INTS6: variants seen among roughly 807,000 people sequenced by gnomAD.
INTS6 encodes DEAD box protein.
Under a neutral mutation model 104.9 loss-of-function variants are expected in INTS6, and 16 were observed. The observed-to-expected ratio is 0.15, with a 90% CI of 0.10 to 0.23. INTS6 has a LOEUF of 0.23. INTS6 is among the 10% of genes least tolerant of loss of function. The pLI is 1.00. For missense variants in INTS6, 584 were observed against 1,062.8 expected, an observed-to-expected ratio of 0.55 and a Z score of 6.26; for synonymous variants, 324 against 358.7, an observed-to-expected ratio of 0.90 and a Z score of 1.09.
chr13:51,375,734 G>GGTGTGTGTGTGTGTGTGTGT (rs71684515), intron 13 of INTS6, among the ~76,000 whole-genome samples: 15 of 147,682 alleles, frequency 1.0e-4, no homozygotes, highest in South Asian at 4.3e-4. Context: ...TTGATAAGTG[G>GGTGTGTGTGTGTGTGTGTGT]GTGTGTGTGT....
At chr13:51,339,212 G>A in the INTS6 span, 1 of 152,210 alleles carries the variant, frequency 6.6e-6, no homozygotes, top group Admixed American at 6.5e-5. Context: ...CGAACTGATC[G>A]TGCCATATCT....
downstream of INTS6, among the ~76,000 whole-genome samples, chr13:51,358,829 T>G (rs888632729): frequency 6.6e-6 from 1 of 152,008 alleles, no homozygotes; most frequent in African/African-American, 2.4e-5. Context: ...TATAGAATGT[T>G]GTATTGTAGG....
At chr13:51,409,776 A>C (rs1038201160) in intron 4 of INTS6, among the ~76,000 whole-genome samples, 1 of 152,182 alleles carries the variant, frequency 6.6e-6, no homozygotes, top group Non-Finnish European at 1.5e-5. Flanking sequence ...ACATTGAAGC[A>C]AGAAAAAGAA....
chr13:51,450,108 T>C, intron 3 of INTS6: 4 of 985,414 alleles, frequency 4.1e-6, no homozygotes, highest in Non-Finnish European at 4.8e-6. Context: ...AACTAGGGAC[T>C]GTGGGACTTG....
At chr13:51,449,428 A>C (rs1952989681) in intron 3 of INTS6, 1 of 972,886 alleles carries the variant, frequency 1.0e-6, no homozygotes, top group Admixed American at 6.2e-5. Context: ...ATACAGGTTT[A>C]AATTACAAAT....
chr13:51,407,950 G>C (rs1439180207), intron 4 of INTS6, among the ~76,000 whole-genome samples: 4 of 150,194 alleles, frequency 2.7e-5, no homozygotes, highest in African/African-American at 9.8e-5. Context: ...CCAAGAGGCA[G>C]AGGTTGCAGT....
intron 12 of INTS6, among the ~76,000 whole-genome samples, chr13:51,377,851 G>C (rs556357882): frequency 6.6e-6 from 1 of 152,126 alleles, no homozygotes; most frequent in Non-Finnish European, 1.5e-5. Context: ...CTACAAAAAG[G>C]CTGCTGGGAT....
At chr13:51,355,750 A>G (rs1955471520) in intron 3 of INTS6, among the ~76,000 whole-genome samples, 1 of 152,218 alleles carries the variant, frequency 6.6e-6, no homozygotes, top group African/African-American at 2.4e-5. Context: ...GGAAATTTAT[A>G]TCAAATATAA....
chr13:51,357,940 T>G (rs1955505652), downstream of INTS6, among the ~76,000 whole-genome samples: 1 of 152,152 alleles, frequency 6.6e-6, no homozygotes, highest in Admixed American at 6.6e-5. Context: ...TCTGTTACTA[T>G]GACTTAAATG....
chr13:51,371,314 G>C (rs1352330998), intron 15 of INTS6, among the ~76,000 whole-genome samples: 4 of 152,136 alleles, frequency 2.6e-5, no homozygotes, highest in African/African-American at 9.7e-5. Context: ...GACAAATTCA[G>C]AGATGGAGGA....
chr13:51,414,238 G>C (rs1199709041), intron 4 of INTS6, among the ~76,000 whole-genome samples: 9 of 152,120 alleles, frequency 5.9e-5, no homozygotes, highest in African/African-American at 1.9e-4. Flanking sequence ...CAATAGCTTA[G>C]AGCAGAACCA....
intron 15 of INTS6, 78 bp downstream of exon 15, chr13:51,374,130 T>G (rs1414864787): frequency 1.7e-6 from 2 of 1,177,672 alleles, no homozygotes; most frequent in Non-Finnish European, 2.5e-6. Context: ...TTTCCTTCTA[T>G]AATCTATAAC....
the INTS6 span, chr13:51,347,025 G>A: frequency 1.3e-6 from 2 of 1,574,134 alleles, no homozygotes; most frequent in Admixed American, 3.7e-5. Context: ...CTGCTTGCAG[G>A]TGGGGGCCCC....
intron 4 of INTS6, chr13:51,423,047 A>C: frequency 7.8e-7 from 1 of 1,280,670 alleles, no homozygotes; most frequent in Non-Finnish European, 1.0e-6. Flanking sequence ...CAAAGATAAT[A>C]CGTTTTCTAG....
chr13:51,424,368 T>G (rs1040893825), intron 4 of INTS6, among the ~76,000 whole-genome samples: 1 of 151,618 alleles, frequency 6.6e-6, no homozygotes, highest in African/African-American at 2.4e-5. Flanking sequence ...TCTTACTACA[T>G]GATCTTGAAA....
chr13:51,448,623 C>A (rs1952971665), intron 3 of INTS6: 1 of 152,066 alleles, frequency 6.6e-6, no homozygotes, highest in African/African-American at 2.4e-5. Flanking sequence ...TATGAAAAAT[C>A]ATATATGTGC....
chr13:51,397,946 T>TA lies in INTS6; in HGVS notation c.430-2464dup, dbSNP rs754993293. Reference sequence around the variant, plus strand: ...CTGAATCTAGAATGAATTTCAAATGTAAAAAAAAAACCCCAGCAAGGTTCA... The same window carrying TA: ...CTGAATCTAGAATGAATTTCAAATGTAAAAAAAAAAACCCCAGCAAGGTTCA... On this transcript the variant is annotated intron_variant, in intron 4 of 17. Transcript: ENST00000311234. Among the ~76,000 whole-genome samples, 55 of 147,954 alleles carry TA rather than the reference T, an allele frequency of 3.7e-4. 1 individual carries two copies. Among genetic ancestry groups the TA allele is most frequent in the Middle Eastern group, 3.5e-3 (1 of 284 alleles).
chr13:51,407,846 G>A (rs977640959), intron 4 of INTS6, among the ~76,000 whole-genome samples: 2 of 151,660 alleles, frequency 1.3e-5, no homozygotes, highest in Admixed American at 1.3e-4. Context: ...GCAAAAGCTC[G>A]TCTGTACTAA....
chr13:51,349,310 A>G (rs1955383220), downstream of INTS6, among the ~76,000 whole-genome samples: 1 of 152,186 alleles, frequency 6.6e-6, no homozygotes, highest in Non-Finnish European at 1.5e-5. Context: ...GAGACCCAGT[A>G]AGTTAAGGGC....
Sources: allele counts gnomAD v4.1 joint callset (sites outside exome capture counted in the v4.1 genomes callset), GRCh38; gene constraint gnomAD v4.1.1; transcripts MANE v1.5; gene names NCBI Gene and HGNC (gene_info 2026-07-23, HGNC 2026-07-21).